Variants in OR4Q3 observed in about 807,000 individuals in gnomAD.
The protein encoded by OR4Q3 is olfactory receptor 4Q3.
In OR4Q3, 17 loss-of-function variants were observed where a neutral mutation model predicts 18.8. That is an observed-to-expected ratio of 0.91 (90% CI 0.62 to 1.36). The LOEUF (loss-of-function observed/expected upper bound fraction) is 1.36. Among genes scored for constraint, OR4Q3 ranks in the 40% most tolerant of loss-of-function variants. The pLI, the probability that OR4Q3 is intolerant of heterozygous loss-of-function variation, is 0.00. For missense variants in OR4Q3, 378 were observed against 373.4 expected, an observed-to-expected ratio of 1.01 and a Z score of -0.10; for synonymous variants, 158 against 145.8, an observed-to-expected ratio of 1.08 and a Z score of -0.60.
intron 1 of OR4Q3, among the ~76,000 whole-genome samples, chr14:19,745,032 T>C: frequency 6.6e-6 from 1 of 150,722 alleles, no homozygotes; most frequent in Admixed American, 6.6e-5. Context: ...GGATTGCAAA[T>C]TTATTGTCAT....
downstream of OR4Q3, among the ~76,000 whole-genome samples, chr14:19,749,906 CTT>C: frequency 2.4e-4 from 2 of 8,490 alleles, no homozygotes; most frequent in African/African-American, 4.0e-4. Flanking sequence ...TTCTTTCTTT[CTT>C]TTTTCTTTCT....
exon 2 of OR4Q3, chr14:19,748,352 A>G: frequency 6.2e-7 from 1 of 1,607,902 alleles, no homozygotes; most frequent in Non-Finnish European, 8.5e-7. Context: ...ACCATGTGGC[A>G]TTCCATTGCC....
chr14:19,747,893 C>T, exon 2 of OR4Q3: 1 of 1,613,976 alleles, frequency 6.2e-7, no homozygotes, highest in Non-Finnish European at 8.5e-7. Flanking sequence ...GGGTTTTATC[C>T]ACTCTATCAT....
intron 1 of OR4Q3, among the ~76,000 whole-genome samples, chr14:19,746,408 ATCT>A: frequency 6.6e-6 from 1 of 152,136 alleles, no homozygotes; most frequent in Non-Finnish European, 1.5e-5. Context: ...ATCTTAGCAA[ATCT>A]TCTTTATTTT....
chr14:19,744,605 T>C (rs1306269047), intron 1 of OR4Q3, among the ~76,000 whole-genome samples: 1 of 152,192 alleles, frequency 6.6e-6, no homozygotes, highest in African/African-American at 2.4e-5. Flanking sequence ...CATTTTGCAT[T>C]AAGCATTCTC....
intron 1 of OR4Q3, among the ~76,000 whole-genome samples, chr14:19,746,993 A>C: frequency 6.6e-6 from 1 of 152,232 alleles, no homozygotes; most frequent in Non-Finnish European, 1.5e-5. Context: ...AAATTGAATA[A>C]CCAAGGAATA....
exon 2 of OR4Q3, chr14:19,747,702 G>A: frequency 1.9e-6 from 3 of 1,613,988 alleles, no homozygotes; most frequent in East Asian, 2.2e-5. Flanking sequence ...CAGGGCAAGA[G>A]CATCTCTTTT....
chr14:19,747,211 A>T, intron 1 of OR4Q3, among the ~76,000 whole-genome samples, 195 bp from the exon 2 acceptor site: 1 of 152,216 alleles, frequency 6.6e-6, no homozygotes, highest in South Asian at 2.1e-4. Context: ...ATTTAAAAGC[A>T]CTACAGGAAT....
exon 2 of OR4Q3, chr14:19,749,318 G>T: frequency 6.6e-6 from 1 of 152,292 alleles, no homozygotes; most frequent in Non-Finnish European, 1.5e-5. Flanking sequence ...TAGAAGAAAT[G>T]CAATCAATCA....
chr14:19,750,418 A>G, downstream of OR4Q3, among the ~76,000 whole-genome samples: 5 of 152,246 alleles, frequency 3.3e-5, no homozygotes, highest in African/African-American at 1.2e-4. Flanking sequence ...ATGGCTATGA[A>G]AATGTGTTTA....
chr14:19,748,330 G>A, exon 2 of OR4Q3: 3 of 1,612,504 alleles, frequency 1.9e-6, no homozygotes, highest in Admixed American at 3.3e-5. Context: ...CTATGAAGAA[G>A]CTGAGGATAA....
chr14:19,744,194 G>T (rs1441687631), intron 1 of OR4Q3, among the ~76,000 whole-genome samples: 2 of 152,160 alleles, frequency 1.3e-5, no homozygotes, highest in Non-Finnish European at 2.9e-5. Context: ...AACTAATGGT[G>T]TGTCCACTTC....
Position 19,745,500 on chromosome 14 carries a change from A to G in OR4Q3, c.2+1829A>G. 3.9e-5 allele frequency among the ~76,000 whole-genome samples: 6 copies of G among 152,326 alleles called. No homozygotes were observed. In the East Asian group the frequency reaches 9.6e-4, roughly 24 times the overall value. On this transcript the variant is annotated intron_variant, in intron 1 of 1. Coordinates refer to ENST00000642117, the Ensembl canonical transcript of OR4Q3. ...CTCAGCCATATTCTGAGACTAAATT[A>G]TAACATTGTGTAGGATTATGTGTTC...
intron 1 of OR4Q3, among the ~76,000 whole-genome samples, chr14:19,745,986 C>A: frequency 6.6e-6 from 1 of 152,094 alleles, no homozygotes; most frequent in African/African-American, 2.4e-5. Flanking sequence ...GCTTGAGTCC[C>A]AAATCTCTCT....
exon 2 of OR4Q3, chr14:19,748,177 G>A: frequency 4.3e-6 from 7 of 1,614,086 alleles, no homozygotes; most frequent in Non-Finnish European, 5.9e-6. Context: ...TGGTCAGCCT[G>A]ATCTTCGTGC....
At chr14:19,750,377 C>T, downstream of OR4Q3, among the ~76,000 whole-genome samples, 1 of 152,194 alleles carries the variant, frequency 6.6e-6, no homozygotes. Flanking sequence ...TAAGATTATC[C>T]ATCTCTGACA....
intron 1 of OR4Q3, among the ~76,000 whole-genome samples, chr14:19,746,300 A>G: frequency 2.0e-5 from 3 of 152,170 alleles, no homozygotes; most frequent in South Asian, 2.1e-4. Flanking sequence ...GAAGAAATGT[A>G]TCAATGTTCT....
chr14:19,748,437 A>G, exon 2 of OR4Q3: 4 of 1,222,286 alleles, frequency 3.3e-6, no homozygotes, highest in African/African-American at 3.1e-5. Context: ...CATCTTGTAC[A>G]TGGGTAAAAA....
exon 2 of OR4Q3, chr14:19,748,763 A>G: frequency 5.4e-6 from 1 of 184,838 alleles, no homozygotes; most frequent in Non-Finnish European, 1.1e-5. Flanking sequence ...AATGATTCCT[A>G]GTGTTAGGAA....
Sources: gnomAD v4.1 joint callset for allele counts (sites outside exome capture counted in the v4.1 genomes callset) on GRCh38, gnomAD v4.1.1 for gene constraint, MANE v1.5 for transcripts, NCBI Gene and HGNC (gene_info 2026-07-23, HGNC 2026-07-21) for gene names.